The following KCNQ5 variants were observed in gnomAD, a reference collection of about 807,000 sequenced individuals.
KCNQ5 encodes potassium voltage-gated channel subfamily Q member 5, also known as potassium voltage-gated channel subfamily KQT member 5.
KCNQ5 carries 30 observed loss-of-function variants against 98.2 expected under a neutral mutation model. The ratio of observed to expected loss-of-function variants is 0.31; its 90% CI spans 0.23 to 0.41. The LOEUF is 0.41. Ranked by LOEUF, KCNQ5 falls within the 10% of genes least tolerant of loss-of-function variation. The pLI, the probability that KCNQ5 is intolerant of heterozygous loss-of-function variation, is 1.00. For missense variants in KCNQ5, 835 were observed against 1,182.5 expected (o/e 0.71, Z 4.31); for synonymous variants, 458 against 449.4 (o/e 1.02, Z -0.24).
intron 1 of KCNQ5, among the ~76,000 whole-genome samples, chr6:72,865,680 A>G (rs2840795): frequency 0.26 from 39,800 of 152,022 alleles, 5,394 homozygotes; most frequent in South Asian, 0.31. Flanking sequence ...AAATTAGGGC[A>G]TATCATTTGC....
At chr6:72,664,484 T>A (rs1766692604) in intron 1 of KCNQ5, among the ~76,000 whole-genome samples, 1 of 150,904 alleles carries the variant, frequency 6.6e-6, no homozygotes, top group East Asian at 1.9e-4. Flanking sequence ...TAAAGCCCTG[T>A]CTCTACTAGA....
chr6:72,838,124 C>A (rs1209745425), intron 1 of KCNQ5, among the ~76,000 whole-genome samples: 2 of 114,042 alleles, frequency 1.8e-5, no homozygotes. Flanking sequence ...CCACAACAGG[C>A]CCCGACACCA....
At chr6:72,715,543 G>A (rs932940167) in intron 1 of KCNQ5, among the ~76,000 whole-genome samples, 2 of 152,158 alleles carry the variant, frequency 1.3e-5, no homozygotes, top group Admixed American at 6.6e-5. Context: ...ATGAGCAGAA[G>A]GAGCCAATTC....
intron 12 of KCNQ5, among the ~76,000 whole-genome samples, chr6:73,191,933 G>A (rs984366266): frequency 6.6e-6 from 1 of 152,180 alleles, no homozygotes; most frequent in African/African-American, 2.4e-5. Context: ...AGTTCTCTTG[G>A]AAATTGCTTT....
intron 1 of KCNQ5, among the ~76,000 whole-genome samples, chr6:72,882,371 T>C (rs1778667025): frequency 6.6e-6 from 1 of 152,176 alleles, no homozygotes; most frequent in Non-Finnish European, 1.5e-5. Context: ...GCATAATTGT[T>C]AGTAATGCAG....
chr6:73,027,315 G>A (rs1227958948), intron 2 of KCNQ5, among the ~76,000 whole-genome samples: 7 of 152,148 alleles, frequency 4.6e-5, no homozygotes, highest in Non-Finnish European at 1.0e-4. Context: ...CTAGGCTAAG[G>A]GCTGCCTCCA....
intron 1 of KCNQ5, among the ~76,000 whole-genome samples, chr6:72,778,126 T>C (rs951871585): frequency 1.3e-5 from 2 of 152,248 alleles, no homozygotes; most frequent in Non-Finnish European, 2.9e-5. Flanking sequence ...AGGCCAAAGA[T>C]GAAGGTCACA....
At chr6:73,144,001 T>G (rs570137276) in intron 10 of KCNQ5, among the ~76,000 whole-genome samples, 37 of 152,330 alleles carry the variant, frequency 2.4e-4, no homozygotes, top group African/African-American at 6.5e-4. Flanking sequence ...ATTATTTCCT[T>G]CAAAGTCACA....
At chr6:72,892,851 T>G (rs1234843632) in intron 1 of KCNQ5, among the ~76,000 whole-genome samples, 5 of 152,150 alleles carry the variant, frequency 3.3e-5, no homozygotes, top group African/African-American at 4.8e-5. Flanking sequence ...TTTTTCCTGT[T>G]TAAACAAGAA....
At chr6:72,707,654 A>G (rs1477388692) in intron 1 of KCNQ5, among the ~76,000 whole-genome samples, 1 of 152,226 alleles carries the variant, frequency 6.6e-6, no homozygotes, top group African/African-American at 2.4e-5. Context: ...AACTTAGGAC[A>G]GAATGTAAAC....
At position 73,060,149 on chromosome 6, in the gene KCNQ5, C is replaced by T. The variant is rs888818254; in HGVS notation, c.617-17173C>T. Among the ~76,000 whole-genome samples the T allele has an allele frequency of 8.5e-5, 13 of 152,208 alleles. 2 individuals are homozygous for T. The South Asian group carries it at 2.7e-3, about 32-fold the overall frequency. ...TCGTTTGTTCTCCTTAATTCAACAC[C>T]TCTCAGAAATTGCCCTATTCTTAAA... On this transcript the variant is annotated intron_variant, in intron 3 of 13. Coordinates refer to ENST00000370398, the MANE Select transcript of KCNQ5 (RefSeq NM_019842.4).
Position 72,622,212 on chromosome 6 carries a change from G to T in KCNQ5, c.23G>T (p.Gly8Val). The T allele has an allele frequency of 8.1e-7, 1 of 1,230,508 alleles. No individual in the cohort carries two copies. Among genetic ancestry groups the T allele is most frequent in the Non-Finnish European group, 1.0e-6 (1 of 987,598 alleles). 76.2% of individuals were successfully genotyped at this position (1,230,508 alleles called of 1,614,324 possible). The change falls in exon 1 of 14, where the codon GGA becomes GTA. Residue 8 changes from glycine (G) to valine (V), a missense_variant. Gly to Val is a moderately radical substitution (Grantham distance 109). This residue lies in a region of KCNQ5 where 80 missense variants were observed against 72.3 expected (regional missense o/e 1.11). Transcript: ENST00000370398. The surrounding 1 kb of genome is among the most constrained non-coding windows in gnomAD (Gnocchi z 6.0). MPRHHAG[G>V]EEGGAAGLWV... ...GCCATGCCCCGCCACCACGCGGGAG[G>T]AGAGGAGGGCGGCGCCGCCGGGCTC...
intron 9 of KCNQ5, among the ~76,000 whole-genome samples, chr6:73,130,567 C>G (rs1776189535): frequency 6.6e-6 from 1 of 152,030 alleles, no homozygotes; most frequent in Admixed American, 6.6e-5. Context: ...TTACATAAAT[C>G]TTCAAAAATC....
At chr6:72,979,939 T>C (rs1401938656) in intron 1 of KCNQ5, among the ~76,000 whole-genome samples, 4 of 152,216 alleles carry the variant, frequency 2.6e-5, no homozygotes, top group African/African-American at 9.6e-5. Flanking sequence ...GGGAATTCTT[T>C]CCCCATTTCT....
At chr6:72,896,443 A>T (rs910562142) in intron 1 of KCNQ5, among the ~76,000 whole-genome samples, 1 of 152,124 alleles carries the variant, frequency 6.6e-6, no homozygotes, top group East Asian at 1.9e-4. Flanking sequence ...AAAAAAAAAA[A>T]TACCTACTTG....
chr6:73,063,233 T>C (rs1412709384), intron 3 of KCNQ5, among the ~76,000 whole-genome samples: 1 of 152,154 alleles, frequency 6.6e-6, no homozygotes, highest in African/African-American at 2.4e-5. Context: ...AAAAAGCTCA[T>C]GACAGTAGGA....
At chr6:72,818,305 C>T (rs1287165408) in intron 1 of KCNQ5, among the ~76,000 whole-genome samples, 2 of 152,172 alleles carry the variant, frequency 1.3e-5, no homozygotes, top group South Asian at 2.1e-4. Flanking sequence ...TATAACCATA[C>T]GTCTCTGATT....
chr6:72,833,317 G>T (rs575496338), intron 1 of KCNQ5, among the ~76,000 whole-genome samples: 1 of 152,266 alleles, frequency 6.6e-6, no homozygotes, highest in South Asian at 2.1e-4. Flanking sequence ...GGTAGAGTAA[G>T]CTAAATTATT....
chr6:73,162,368 G>A (rs754637399), intron 10 of KCNQ5, among the ~76,000 whole-genome samples: 2 of 152,198 alleles, frequency 1.3e-5, no homozygotes, highest in Non-Finnish European at 2.9e-5. Flanking sequence ...GCCAAGCATG[G>A]ACCATTCATG....
Sources: gnomAD v4.1 joint callset for allele counts (sites outside exome capture counted in the v4.1 genomes callset) on GRCh38, gnomAD v4.1.1 for gene constraint, gnomAD v4.1.1 regional missense constraint, Gnocchi (gnomAD v3.1) non-coding constraint, MANE v1.5 for transcripts, NCBI Gene and HGNC (gene_info 2026-07-23, HGNC 2026-07-21) for gene names.